The following KLF12 variants were observed in gnomAD, a reference collection of about 807,000 sequenced individuals.
The protein encoded by KLF12 is Krueppel-like factor 12.
KLF12 carries 9 observed loss-of-function variants against 37.8 expected under a neutral mutation model. The observed-to-expected ratio is 0.24, with a 90% CI of 0.14 to 0.42. KLF12 has a LOEUF of 0.42. KLF12 is among the 10% of genes least tolerant of loss of function. The pLI is 1.00. For missense variants in KLF12, 411 were observed against 516.0 expected, an observed-to-expected ratio of 0.80 and a Z score of 1.97; for synonymous variants, 208 against 202.1, an observed-to-expected ratio of 1.03 and a Z score of -0.25.
At chr13:74,248,044 C>T in the KLF12 span, among the ~76,000 whole-genome samples, 1 of 152,180 alleles carries the variant, frequency 6.6e-6, no homozygotes, top group Non-Finnish European at 1.5e-5. Context: ...TTCTTTTCCT[C>T]TCATGCCAAG....
rs574572974 is a variant in KLF12 at position 73,824,080 on chromosome 13, G to A, written c.671-10793C>T. 2.0e-3 allele frequency among the ~76,000 whole-genome samples: 303 copies of A among 151,744 alleles called. 3 individuals carry two copies. Among genetic ancestry groups the A allele is most frequent in the South Asian group, 0.018 (89 of 4,818 alleles). ...ACATTTGTCCCTACACCCTGAACAC[G>A]TTTCCATCAAGAATTACATATTTCT... On this transcript the variant is annotated intron_variant, in intron 4 of 7. Coordinates refer to ENST00000377669, the MANE Select transcript of KLF12 (RefSeq NM_007249.5).
intron 3 of KLF12, among the ~76,000 whole-genome samples, chr13:73,894,068 A>G (rs184611155): frequency 2.4e-4 from 36 of 152,306 alleles, no homozygotes; most frequent in Admixed American, 5.2e-4. Flanking sequence ...AGACAGGGGA[A>G]GATGGGTCCT....
chr13:73,725,354 C>T (rs975529020), intron 6 of KLF12, among the ~76,000 whole-genome samples: 2 of 152,164 alleles, frequency 1.3e-5, no homozygotes, highest in East Asian at 3.9e-4. Flanking sequence ...CCTGCCTTGG[C>T]CTCCCAAAGT....
At chr13:74,177,301 T>G in the KLF12 span, among the ~76,000 whole-genome samples, 2 of 152,156 alleles carry the variant, frequency 1.3e-5, no homozygotes, top group Non-Finnish European at 2.9e-5. Flanking sequence ...TAGGCAAAAT[T>G]ATATGTAAAT....
intron 7 of KLF12, among the ~76,000 whole-genome samples, chr13:73,701,036 T>C (rs1874517970): frequency 6.6e-6 from 1 of 152,234 alleles, no homozygotes; most frequent in Non-Finnish European, 1.5e-5. Flanking sequence ...CAGAATTGTC[T>C]TTTTTGTCTT....
At chr13:73,710,281 T>C (rs1027338192) in intron 7 of KLF12, among the ~76,000 whole-genome samples, 4 of 152,112 alleles carry the variant, frequency 2.6e-5, no homozygotes, top group Non-Finnish European at 4.4e-5. Flanking sequence ...GATAACCCAA[T>C]AGAGTAAACT....
At chr13:73,806,159 C>A (rs1274109104) in intron 5 of KLF12, among the ~76,000 whole-genome samples, 2 of 148,050 alleles carry the variant, frequency 1.4e-5, no homozygotes, top group African/African-American at 2.5e-5. Flanking sequence ...GTTGCCCAGG[C>A]TGGAGTGCAT....
At chr13:74,183,465 C>T in the KLF12 span, among the ~76,000 whole-genome samples, 2 of 152,154 alleles carry the variant, frequency 1.3e-5, no homozygotes, top group Non-Finnish European at 2.9e-5. Context: ...TCATCAATCT[C>T]CTTTGACCAA....
At position 73,706,060 on chromosome 13, in the gene KLF12, G is replaced by A. The variant is rs151162205; in HGVS notation, c.1027+9308C>T. Among the ~76,000 whole-genome samples the A allele has an allele frequency of 1.2e-4, 19 of 152,308 alleles. No homozygotes were observed. In the East Asian group the frequency reaches 3.7e-3, roughly 29 times the overall value. ...CCAGCCACTTGGGAGGCTGAGGCAG[G>A]AGAATCACTTGAACCTGGGAGGCAG... On this transcript the variant is annotated intron_variant, in intron 7 of 7. Coordinates refer to ENST00000377669, the MANE Select transcript of KLF12 (RefSeq NM_007249.5).
the KLF12 span, chr13:74,258,947 G>C: frequency 1.3e-5 from 2 of 152,310 alleles, no homozygotes; most frequent in Non-Finnish European, 2.9e-5. Context: ...CTGAAAGAGA[G>C]CGCTGGAAGA....
intron 5 of KLF12, among the ~76,000 whole-genome samples, chr13:73,811,130 C>T (rs1406434376): frequency 5.3e-5 from 8 of 150,858 alleles, no homozygotes; most frequent in Non-Finnish European, 7.4e-5. Flanking sequence ...GGATTACAGG[C>T]ACCCACCACC....
At chr13:73,897,012 T>A (rs138714027) in intron 3 of KLF12, among the ~76,000 whole-genome samples, 1 of 152,196 alleles carries the variant, frequency 6.6e-6, no homozygotes, top group Non-Finnish European at 1.5e-5. Context: ...GCAAAACTAA[T>A]GGTGACTTTC....
chr13:74,115,531 C>T (rs942784625), intron 1 of KLF12, among the ~76,000 whole-genome samples: 3 of 151,950 alleles, frequency 2.0e-5, no homozygotes, highest in Non-Finnish European at 2.9e-5. Flanking sequence ...AGGGTGAAAC[C>T]CTGTCTCTAC....
chr13:73,722,999 G>A (rs780117903), intron 6 of KLF12, among the ~76,000 whole-genome samples: 3 of 152,050 alleles, frequency 2.0e-5, no homozygotes, highest in African/African-American at 4.8e-5. Context: ...TTTCTAGACC[G>A]TTAAAAAACT....
chr13:73,770,688 A>T (rs1367440878), intron 5 of KLF12, among the ~76,000 whole-genome samples: 2 of 151,824 alleles, frequency 1.3e-5, no homozygotes, highest in Non-Finnish European at 2.9e-5. Context: ...TGTAATGGCT[A>T]ATTTTTGTAT....
intron 7 of KLF12, among the ~76,000 whole-genome samples, chr13:73,699,298 T>C (rs1217864936): frequency 2.0e-5 from 3 of 151,254 alleles, no homozygotes; most frequent in Non-Finnish European, 4.4e-5. Flanking sequence ...GGTGAAAGGA[T>C]TGCTTGAGAC....
chr13:73,764,199 T>A (rs1879752227), intron 6 of KLF12, among the ~76,000 whole-genome samples: 1 of 152,166 alleles, frequency 6.6e-6, no homozygotes, highest in Non-Finnish European at 1.5e-5. Context: ...ACAGTTCATT[T>A]TTTTCTTTTT....
intron 1 of KLF12, among the ~76,000 whole-genome samples, chr13:74,037,964 G>A (rs539302018): frequency 6.6e-6 from 1 of 152,166 alleles, no homozygotes; most frequent in Non-Finnish European, 1.5e-5. Flanking sequence ...CAGTAGCACA[G>A]GAAGCCTTGT....
At chr13:73,905,920 T>C (rs1312711571) in intron 3 of KLF12, among the ~76,000 whole-genome samples, 1 of 152,192 alleles carries the variant, frequency 6.6e-6, no homozygotes, top group Non-Finnish European at 1.5e-5. Flanking sequence ...CTCTTCTCCA[T>C]GCCTGTGTTG....
Sources: gnomAD v4.1 joint callset for allele counts (sites outside exome capture counted in the v4.1 genomes callset) on GRCh38, gnomAD v4.1.1 for gene constraint, MANE v1.5 for transcripts, NCBI Gene and HGNC (gene_info 2026-07-23, HGNC 2026-07-21) for gene names.